Variants in DNAJC5B observed in about 807,000 individuals in gnomAD.
DNAJC5B encodes the protein DnaJ heat shock protein family (Hsp40) member C5 beta, also known as dnaJ homolog subfamily C member 5B.
A neutral mutation model predicts 24.7 loss-of-function variants in DNAJC5B; 23 were observed. That is an observed-to-expected ratio of 0.93 (90% CI 0.67 to 1.32). The LOEUF (loss-of-function observed/expected upper bound fraction) is 1.32. Among genes scored for constraint, DNAJC5B ranks in the 40% most tolerant of loss-of-function variants. The pLI is 0.00. For synonymous variants in DNAJC5B, 101 were observed against 90.1 expected, an observed-to-expected ratio of 1.12 and a Z score of -0.68; for missense variants, 238 against 240.8, an observed-to-expected ratio of 0.99 and a Z score of 0.08.
chr8:66,046,137 C>CT (rs1586077347), intron 2 of DNAJC5B, among the ~76,000 whole-genome samples: 1 of 152,136 alleles, frequency 6.6e-6, no homozygotes, highest in African/African-American at 2.4e-5. Context: ...ACCCAGAGAC[C>CT]AGGAATCTTC....
rs1563616843 is a variant in DNAJC5B, at chr8:66,101,150, C to CA, written c.*1125dup. 1.3e-5 allele frequency among the ~76,000 whole-genome samples: 2 copies of CA among 151,878 alleles called. No individual in the cohort carries two copies. The highest frequency in any genetic ancestry group is 4.8e-5 in the African/African-American group (2 of 41,322). On this transcript the variant is annotated 3_prime_UTR_variant, in exon 6 of 6. Coordinates refer to ENST00000276570, the MANE Select transcript of DNAJC5B (RefSeq NM_033105.6). ...TTTTTTCTTGTTTCTTATTCCCACC[C>CA]AAAAAATTATAGTTAATTGCTGCTA... is the stretch of plus-strand genomic sequence containing the variant.
chr8:66,018,872 T>C (rs529822464), upstream of DNAJC5B, among the ~76,000 whole-genome samples: 1 of 152,332 alleles, frequency 6.6e-6, no homozygotes, highest in East Asian at 1.9e-4. Flanking sequence ...CCTCCATAAC[T>C]AAGCAAAAAC....
Position 66,076,709 on chromosome 8 carries a change from GC to G in DNAJC5B, c.170del (p.Ala57ValfsTer64). On this transcript the variant is annotated frameshift_variant, in exon 4 of 6. Transcript: ENST00000276570. LOFTEE classifies it high-confidence loss of function. The part of the protein sequence containing the change: ...HPDKNPDDPA[A>X]TEKFKEINNA... The stretch of plus-strand genomic sequence containing the variant: ...AGACAAGAATCCAGATGATCCAGCT[GC>G]TACTGAGAAGTTTAAAGAAATCAAC... 1 of 1,614,154 alleles carries G rather than the reference GC, an allele frequency of 6.2e-7. No individual in the cohort carries two copies. Among genetic ancestry groups the G allele is most frequent in the Non-Finnish European group, 8.5e-7 (1 of 1,180,022 alleles).
intron 3 of DNAJC5B, among the ~76,000 whole-genome samples, chr8:66,060,374 G>A (rs1807054822): frequency 6.6e-6 from 1 of 152,234 alleles, no homozygotes; most frequent in African/African-American, 2.4e-5. Context: ...AGCTGGGGCT[G>A]TCACAGCCGT....
intron 1 of DNAJC5B, among the ~76,000 whole-genome samples, chr8:66,035,195 C>T (rs7004730): frequency 0.011 from 1,730 of 152,296 alleles, 32 homozygotes; most frequent in African/African-American, 0.039. Flanking sequence ...AATGCCCCCA[C>T]CATCCCTGGA....
Position 66,100,956 on chromosome 8 carries a change from G to A in DNAJC5B, c.*925G>A, listed in dbSNP as rs1249453541. Among the ~76,000 whole-genome samples, 3 of 152,246 alleles carry A rather than the reference G, an allele frequency of 2.0e-5. No homozygotes were observed. In the South Asian group the frequency reaches 6.2e-4, roughly 32 times the overall value. On this transcript the variant is annotated 3_prime_UTR_variant, in exon 6 of 6. Coordinates refer to ENST00000276570, the MANE Select transcript of DNAJC5B (RefSeq NM_033105.6). The stretch of plus-strand genomic sequence containing the variant: ...AAGCCCAGAGGTCATCTCTGCATTT[G>A]CTTGTTTGATTCTTGTATTTATTAT...
At chr8:66,095,513 C>A (rs1208239216) in intron 5 of DNAJC5B, among the ~76,000 whole-genome samples, 1 of 151,412 alleles carries the variant, frequency 6.6e-6, no homozygotes, top group Non-Finnish European at 1.5e-5. Flanking sequence ...TAATTTCTTT[C>A]TTTCTTTCTT....
chr8:66,074,524 A>G (rs895660801), intron 3 of DNAJC5B, among the ~76,000 whole-genome samples: 4 of 152,250 alleles, frequency 2.6e-5, no homozygotes, highest in African/African-American at 9.6e-5. Flanking sequence ...TATTAGCTAT[A>G]GCCACATTGA....
At chr8:66,034,562 G>A (rs1806439695) in intron 1 of DNAJC5B, among the ~76,000 whole-genome samples, 1 of 151,836 alleles carries the variant, frequency 6.6e-6, no homozygotes. Flanking sequence ...TGAGGGAGTT[G>A]TTGGCAAGGT....
In DNAJC5B at chr8:66,100,173, C is replaced by A; in HGVS notation, c.*142C>A. On this transcript the variant is annotated 3_prime_UTR_variant, in exon 6 of 6. Transcript: ENST00000276570. ...TTTTTGGGTTAGGAAAACATGATTG[C>A]TATATAATTTTCTCAGTATGCAGAC... The A allele has an allele frequency of 1.5e-6, 1 of 651,024 alleles. No homozygotes were observed. Among genetic ancestry groups the A allele is most frequent in the Non-Finnish European group, 2.5e-6 (1 of 393,976 alleles). 40.3% of individuals were successfully genotyped at this position (651,024 alleles called of 1,614,324 possible).
intron 5 of DNAJC5B, among the ~76,000 whole-genome samples, chr8:66,083,365 G>A (rs898556442): frequency 2.0e-5 from 3 of 151,980 alleles, no homozygotes; most frequent in African/African-American, 7.3e-5. Context: ...CCTCTAGCAT[G>A]TTTGATCAAA....
chr8:66,083,003 CTTTTT>C (rs765749597), intron 5 of DNAJC5B, among the ~76,000 whole-genome samples: 2 of 86,724 alleles, frequency 2.3e-5, no homozygotes, highest in Admixed American at 1.3e-4. Context: ...CTTTTCTTTT[CTTTTT>C]TTTTTTTTTT....
intron 5 of DNAJC5B, among the ~76,000 whole-genome samples, chr8:66,096,886 G>A (rs868557984): frequency 8.6e-5 from 13 of 151,624 alleles, no homozygotes; most frequent in Admixed American, 3.3e-4. Flanking sequence ...CCTACTTTTC[G>A]TGAGAGGCAA....
intron 3 of DNAJC5B, among the ~76,000 whole-genome samples, chr8:66,072,329 G>T (rs1024102162): frequency 3.3e-5 from 5 of 152,118 alleles, no homozygotes; most frequent in Non-Finnish European, 5.9e-5. Flanking sequence ...ATTCATAGTG[G>T]AAAGTTTTAA....
At chr8:66,066,313 C>G (rs1214836679) in intron 3 of DNAJC5B, among the ~76,000 whole-genome samples, 1 of 152,150 alleles carries the variant, frequency 6.6e-6, no homozygotes, top group Non-Finnish European at 1.5e-5. Flanking sequence ...CTATGGAAGA[C>G]AGCATTGAGA....
In DNAJC5B at chr8:66,050,775, C is replaced by G. The variant is rs573913689; in HGVS notation, c.-17-756C>G. On this transcript the variant is annotated intron_variant, in intron 2 of 5. Coordinates refer to ENST00000276570, the MANE Select transcript of DNAJC5B (RefSeq NM_033105.6). ...TTTGTTAAGATGGCCTAGATGGCCT[C>G]TAACTCTATATTCTTCAGTCCTAGG... Among the ~76,000 whole-genome samples the G allele has an allele frequency of 3.9e-5, 6 of 152,314 alleles. No homozygotes were observed. The East Asian group carries it at 1.2e-3, about 29-fold the overall frequency.
intron 2 of DNAJC5B, among the ~76,000 whole-genome samples, chr8:66,046,040 C>A (rs1158486572): frequency 2.0e-5 from 3 of 152,124 alleles, no homozygotes; most frequent in Non-Finnish European, 4.4e-5. Context: ...GCATGTTTAA[C>A]AAGACTAGAA....
chr8:66,051,069 C>T (rs1409474428), intron 2 of DNAJC5B, among the ~76,000 whole-genome samples: 1 of 152,164 alleles, frequency 6.6e-6, no homozygotes, highest in Non-Finnish European at 1.5e-5. Context: ...GAACTTATTC[C>T]TCCTATTTAA....
chr8:66,029,878 G>C (rs1291552155), intron 1 of DNAJC5B, among the ~76,000 whole-genome samples: 1 of 152,102 alleles, frequency 6.6e-6, no homozygotes, highest in African/African-American at 2.4e-5. Context: ...TGAGGGTGGG[G>C]GTGGTCGAGA....
Sources: gnomAD v4.1 joint callset for allele counts (sites outside exome capture counted in the v4.1 genomes callset) on GRCh38, gnomAD v4.1.1 for gene constraint, MANE v1.5 for transcripts, NCBI Gene and HGNC (gene_info 2026-07-23, HGNC 2026-07-21) for gene names.